Variants in TLK1 observed in about 807,000 individuals in gnomAD.
The protein encoded by TLK1 is serine/threonine-protein kinase tousled-like 1.
TLK1 carries 24 observed loss-of-function variants against 105.3 expected under a neutral mutation model. The observed-to-expected ratio is 0.23, with a 90% CI of 0.17 to 0.32. TLK1 has a LOEUF of 0.32. Ranked by LOEUF, TLK1 falls within the 10% of genes least tolerant of loss-of-function variation. The pLI is 1.00. For missense variants in TLK1, 558 were observed against 910.5 expected (o/e 0.61, Z 4.98); for synonymous variants, 321 against 310.4 (o/e 1.03, Z -0.36).
chr2:171,058,310 T>C, intron 4 of TLK1, 113 bp from the exon 5 acceptor site: 1 of 978,322 alleles, frequency 1.0e-6, no homozygotes, highest in Non-Finnish European at 1.6e-6. Context: ...TCAAATGACA[T>C]TTCAATAGAG....
intron 2 of TLK1, among the ~76,000 whole-genome samples, chr2:171,110,902 C>A (rs1436839837): frequency 6.6e-6 from 1 of 152,032 alleles, no homozygotes; most frequent in East Asian, 1.9e-4. Flanking sequence ...GAGAAAGTCC[C>A]ATAACCGAAC....
chr2:171,030,447 T>A (rs2105396614), intron 11 of TLK1, among the ~76,000 whole-genome samples: 1 of 152,278 alleles, frequency 6.6e-6, no homozygotes, highest in East Asian at 1.9e-4. Flanking sequence ...GAGAATTAAA[T>A]GCTGGAGTGT....
chr2:171,059,875 T>C lies in TLK1; in HGVS notation c.406+1206A>G, dbSNP rs745721515. The C allele has an allele frequency of 1.0e-4, 98 of 939,164 alleles. 1 individual carries two copies. The highest frequency in any genetic ancestry group is 1.5e-4 in the Non-Finnish European group (87 of 567,986). 58.2% of individuals were successfully genotyped at this position (939,164 alleles called of 1,614,324 possible). A position where few individuals can be genotyped will look rare whatever the true frequency, so the allele number is the denominator to read the frequency against. The stretch of plus-strand genomic sequence containing the variant: ...TGAGAATCTAACGCTGCCGCTGATC[T>C]GACAGGAGGCCGAGCTTAGGCGGTA... On this transcript the variant is annotated intron_variant, in intron 4 of 20. Transcript: ENST00000431350.
chr2:171,075,876 T>G (rs1688478603), intron 3 of TLK1, among the ~76,000 whole-genome samples: 1 of 152,192 alleles, frequency 6.6e-6, no homozygotes, highest in Non-Finnish European at 1.5e-5. Flanking sequence ...TTTGACTATG[T>G]GCCCTGAAGT....
At chr2:171,102,478 CTTCT>C (rs1194349716) in intron 2 of TLK1, among the ~76,000 whole-genome samples, 2 of 152,138 alleles carry the variant, frequency 1.3e-5, no homozygotes, top group Admixed American at 1.3e-4. Flanking sequence ...AACATTTACC[CTTCT>C]TTCTATCTGA....
intron 2 of TLK1, among the ~76,000 whole-genome samples, chr2:171,117,250 G>A (rs1690474108): frequency 6.6e-6 from 1 of 152,174 alleles, no homozygotes; most frequent in Non-Finnish European, 1.5e-5. Flanking sequence ...ATGCTCCTAT[G>A]AGAATCTAAC....
intron 12 of TLK1, among the ~76,000 whole-genome samples, chr2:171,027,618 G>A (rs1685836626): frequency 1.3e-5 from 2 of 152,026 alleles, no homozygotes; most frequent in Admixed American, 1.3e-4. Context: ...ATAAGCCAAA[G>A]AAATAAGTTT....
chr2:171,044,375 G>A (rs1157976693), intron 11 of TLK1, among the ~76,000 whole-genome samples: 2 of 152,142 alleles, frequency 1.3e-5, no homozygotes, highest in African/African-American at 4.8e-5. Flanking sequence ...CACAGAAAAG[G>A]GGCAAAGTAT....
intron 2 of TLK1, among the ~76,000 whole-genome samples, chr2:171,109,226 A>T (rs1460869915): frequency 6.6e-6 from 1 of 152,268 alleles, no homozygotes; most frequent in African/African-American, 2.4e-5. Flanking sequence ...AATAAGGCAC[A>T]TTCAGGGACT....
At chr2:171,076,578 T>C (rs921763115) in intron 3 of TLK1, among the ~76,000 whole-genome samples, 5 of 151,754 alleles carry the variant, frequency 3.3e-5, no homozygotes, top group Non-Finnish European at 7.4e-5. Context: ...GAACTGCAAA[T>C]GGGTGGATCA....
chr2:171,037,263 G>A (rs1010718110), intron 11 of TLK1, among the ~76,000 whole-genome samples: 2 of 151,978 alleles, frequency 1.3e-5, no homozygotes, highest in Admixed American at 1.3e-4. Context: ...CCAACATGGA[G>A]AAACCCCATC....
intron 3 of TLK1, among the ~76,000 whole-genome samples, chr2:171,074,754 A>G (rs1412420706): frequency 1.3e-5 from 2 of 152,180 alleles, no homozygotes; most frequent in East Asian, 3.8e-4. Context: ...GAGGAGGTCA[A>G]CAAGTAGAAC....
At chr2:171,215,845 G>A (rs969887833) in intron 1 of TLK1, among the ~76,000 whole-genome samples, 9 of 152,134 alleles carry the variant, frequency 5.9e-5, no homozygotes, top group African/African-American at 1.2e-4. Flanking sequence ...GCGGTGGAAC[G>A]CTTTATTCCC....
Position 171,006,630 on chromosome 2 carries a change from A to C in TLK1, c.1612T>G (p.Leu538Val), listed in dbSNP as rs1254169834. The change falls in exon 17 of 21, where the codon TTA becomes GTA. Residue 538 changes from leucine to valine, a missense_variant. Physicochemically the swap from Leu to Val is conservative, Grantham distance 32. Around this residue, in one of 5 missense-constraint regions of TLK1, gnomAD observed 218 missense variants for 492.9 expected, o/e 0.44. Transcript: ENST00000431350. ...AAGTCATTGCCTTCACAGTATTCTA[A>C]CACTGTACAAAACCTACAACAGAGA... The part of the protein sequence containing the change: ...SLDTDTFCTV[L>V]EYCEGNDLDF... The C allele has an allele frequency of 6.2e-7, 1 of 1,612,450 alleles. No individual in the cohort carries two copies.
chr2:171,101,452 G>T (rs1377531630), intron 2 of TLK1, among the ~76,000 whole-genome samples: 3 of 151,962 alleles, frequency 2.0e-5, no homozygotes, highest in African/African-American at 7.3e-5. Context: ...AAAGTAGACT[G>T]GTGGTTGCCA....
rs1218019331 is a variant in TLK1, at chr2:170,992,169, C to T, written c.*1611G>A. On this transcript the variant is annotated 3_prime_UTR_variant, in exon 21 of 21. Coordinates refer to ENST00000431350, the MANE Select transcript of TLK1 (RefSeq NM_012290.5). ...TCCAATGTAATTTTCATAGTCTTTA[C>T]ATTTTAACTGTCATTGTTTATTACT... 2.0e-5 allele frequency: 3 copies of T among 152,142 alleles called. No homozygotes were observed. The highest frequency in any genetic ancestry group is 1.9e-4 in the East Asian group (1 of 5,202). The allele number at this position is 152,142 out of a possible 1,614,324, so 9.4% of individuals were successfully genotyped here.
At chr2:171,033,036 T>A (rs1559354596) in intron 11 of TLK1, among the ~76,000 whole-genome samples, 1 of 152,114 alleles carries the variant, frequency 6.6e-6, no homozygotes, top group Non-Finnish European at 1.5e-5. Context: ...GGTGAAACTC[T>A]GTCTACTAAA....
intron 8 of TLK1, among the ~76,000 whole-genome samples, chr2:171,051,378 C>A (rs920930830): frequency 1.3e-5 from 2 of 151,976 alleles, no homozygotes; most frequent in Non-Finnish European, 2.9e-5. Context: ...TCCCTTAGAG[C>A]GAAGGATGGT....
intron 1 of TLK1, chr2:171,159,465 G>C (rs1692364699): frequency 6.6e-6 from 1 of 152,206 alleles, no homozygotes; most frequent in African/African-American, 2.4e-5. Flanking sequence ...CAGCCCACTT[G>C]CTTGCAAGAA....
Sources: allele counts gnomAD v4.1 joint callset (sites outside exome capture counted in the v4.1 genomes callset), GRCh38; gene constraint gnomAD v4.1.1; regional missense constraint gnomAD v4.1.1; transcripts MANE v1.5; gene names NCBI Gene and HGNC (gene_info 2026-07-23, HGNC 2026-07-21).